JARID2: variants seen among roughly 807,000 people sequenced by gnomAD.
JARID2 encodes jumonji and AT-rich interaction domain containing 2.
Under a neutral mutation model 125.6 loss-of-function variants are expected in JARID2, and 21 were observed. The observed-to-expected ratio is 0.17, with a 90% CI of 0.12 to 0.24. The LOEUF (loss-of-function observed/expected upper bound fraction) is 0.24, where lower values mean the gene tolerates loss of function less well. Ranked by LOEUF, JARID2 falls within the 10% of genes least tolerant of loss-of-function variation. The pLI, the probability that JARID2 is intolerant of heterozygous loss-of-function variation, is 1.00. For synonymous variants in JARID2, 736 were observed against 661.6 expected, an observed-to-expected ratio of 1.11 and a Z score of -1.73; for missense variants, 1,303 against 1,639.6, an observed-to-expected ratio of 0.79 and a Z score of 3.55.
intron 1 of JARID2, among the ~76,000 whole-genome samples, chr6:15,346,599 G>A (rs1329444269): frequency 6.6e-6 from 1 of 152,078 alleles, no homozygotes; most frequent in Non-Finnish European, 1.5e-5. Flanking sequence ...CCACTTCTCT[G>A]GGAGAGGGGA....
At chr6:15,481,800 C>T (rs1487507519) in intron 5 of JARID2, among the ~76,000 whole-genome samples, 1 of 152,058 alleles carries the variant, frequency 6.6e-6, no homozygotes, top group African/African-American at 2.4e-5. Flanking sequence ...TTTTAATTTC[C>T]GTATGTTTGA....
chr6:15,272,450 A>G (rs1177589289), intron 1 of JARID2, among the ~76,000 whole-genome samples: 1 of 152,220 alleles, frequency 6.6e-6, no homozygotes, highest in African/African-American at 2.4e-5. Context: ...TTTAAAAAAG[A>G]GAAGTTGTTA....
At chr6:15,390,856 C>A (rs1379628320) in intron 2 of JARID2, among the ~76,000 whole-genome samples, 1 of 152,142 alleles carries the variant, frequency 6.6e-6, no homozygotes, top group Admixed American at 6.5e-5. Flanking sequence ...TAAGTATGTC[C>A]CAGGGTCCCA....
chr6:15,283,499 G>A (rs988476485), intron 1 of JARID2, among the ~76,000 whole-genome samples: 3 of 137,032 alleles, frequency 2.2e-5, no homozygotes, highest in East Asian at 4.6e-4. Context: ...CACCAGCTAC[G>A]CCCGGCTAAT....
chr6:15,346,653 AT>A (rs1171975316), intron 1 of JARID2, among the ~76,000 whole-genome samples: 1 of 151,346 alleles, frequency 6.6e-6, no homozygotes, highest in Non-Finnish European at 1.5e-5. Flanking sequence ...GCCTTGCTTG[AT>A]TTTGTTTGTT....
Position 15,456,074 on chromosome 6 carries a change from T to C in JARID2, c.493+3899T>C, listed in dbSNP as rs2299044. 2.8e-3 allele frequency among the ~76,000 whole-genome samples: 431 copies of C among 152,328 alleles called. 19 individuals are homozygous for C. In the East Asian group the frequency reaches 0.078, roughly 27 times the overall value. ...GACTGTTGTGTTTAGTTCTCAAAGG[T>C]AGAGAAGGAGAGAAACCCATCAGGG... On this transcript the variant is annotated intron_variant, in intron 4 of 17. Transcript: ENST00000341776.
At chr6:15,365,351 C>T (rs1763937024) in intron 1 of JARID2, among the ~76,000 whole-genome samples, 1 of 152,154 alleles carries the variant, frequency 6.6e-6, no homozygotes, top group African/African-American at 2.4e-5. Context: ...TCCAGCACTG[C>T]AGGAGGTTTT....
intron 1 of JARID2, among the ~76,000 whole-genome samples, chr6:15,332,788 T>C (rs1045044405): frequency 1.3e-5 from 2 of 152,176 alleles, no homozygotes; most frequent in South Asian, 2.1e-4. Context: ...TAATCCAAAA[T>C]AGTTTTCAAT....
chr6:15,503,184 ACT>A (rs1351551367), intron 8 of JARID2, among the ~76,000 whole-genome samples: 1 of 151,868 alleles, frequency 6.6e-6, no homozygotes, highest in Non-Finnish European at 1.5e-5. Context: ...TGAGCACGCA[ACT>A]CTCTGTGGCA....
chr6:15,476,074 G>A lies in JARID2; in HGVS notation c.670+7356G>A, dbSNP rs546515597. ...TTTTGTATGCTCGAGCTGTTGAGGC[G>A]TGTCAGGAAATCTAGCAACATCTGT... is the stretch of plus-strand genomic sequence containing the variant. On this transcript the variant is annotated intron_variant, in intron 5 of 17. Transcript: ENST00000341776. Among the ~76,000 whole-genome samples the A allele has an allele frequency of 1.3e-4, 20 of 152,256 alleles. No homozygotes were observed. In the South Asian group the frequency reaches 2.7e-3, roughly 20 times the overall value.
chr6:15,413,773 T>A (rs2127574387), intron 3 of JARID2, among the ~76,000 whole-genome samples: 1 of 152,250 alleles, frequency 6.6e-6, no homozygotes, highest in South Asian at 2.1e-4. Flanking sequence ...TCCACGCCTG[T>A]CTAAGCTTGC....
At chr6:15,365,010 A>G (rs919876966) in intron 1 of JARID2, among the ~76,000 whole-genome samples, 1 of 152,230 alleles carries the variant, frequency 6.6e-6, no homozygotes, top group African/African-American at 2.4e-5. Flanking sequence ...GTATATCATA[A>G]TGAACATAAA....
At chr6:15,408,270 T>C (rs1206551585) in intron 2 of JARID2, among the ~76,000 whole-genome samples, 1 of 152,138 alleles carries the variant, frequency 6.6e-6, no homozygotes, top group African/African-American at 2.4e-5. Context: ...AAAGAAAAAT[T>C]TGAACTCCAC....
chr6:15,514,970 C>T (rs1027205443), intron 16 of JARID2, among the ~76,000 whole-genome samples: 13 of 152,106 alleles, frequency 8.5e-5, no homozygotes, highest in Non-Finnish European at 1.8e-4. Flanking sequence ...TGATGATAAG[C>T]ATTTTCCCAG....
chr6:15,391,581 A>G (rs1319891975), intron 2 of JARID2, among the ~76,000 whole-genome samples: 2 of 152,260 alleles, frequency 1.3e-5, no homozygotes, highest in East Asian at 3.8e-4. Flanking sequence ...TAGAAATGAT[A>G]AAGGCTGTGT....
chr6:15,444,808 G>A (rs545340587), intron 3 of JARID2, among the ~76,000 whole-genome samples: 14 of 113,922 alleles, frequency 1.2e-4, no homozygotes, highest in African/African-American at 4.7e-4. Flanking sequence ...GTTTAGAATT[G>A]GGATGTAATC....
intron 2 of JARID2, among the ~76,000 whole-genome samples, chr6:15,404,315 G>A (rs1248125377): frequency 6.6e-6 from 1 of 152,164 alleles, no homozygotes; most frequent in East Asian, 1.9e-4. Context: ...TGCCAAGCAG[G>A]CCCAAAGCCA....
In JARID2 at chr6:15,437,729, G is replaced by T. The variant is rs982179957; in HGVS notation, c.324-14277G>T. On this transcript the variant is annotated intron_variant, in intron 3 of 17. Transcript: ENST00000341776. ...TACCATCCTAGAATCGCTTGAACCC[G>T]GGAGGCGGAGGTTGCAGTGAGCTGA... Among the ~76,000 whole-genome samples, 5 of 152,076 alleles carry T rather than the reference G, an allele frequency of 3.3e-5. No individual in the cohort carries two copies. The East Asian group carries it at 9.7e-4, about 29-fold the overall frequency.
intron 1 of JARID2, among the ~76,000 whole-genome samples, chr6:15,341,287 C>CT (rs1438406037): frequency 6.6e-6 from 1 of 152,118 alleles, no homozygotes; most frequent in Non-Finnish European, 1.5e-5. Context: ...CCCATATGTT[C>CT]TTTTTTACTC....
Sources: allele counts gnomAD v4.1 joint callset (sites outside exome capture counted in the v4.1 genomes callset), GRCh38; gene constraint gnomAD v4.1.1; transcripts MANE v1.5; gene names NCBI Gene and HGNC (gene_info 2026-07-23, HGNC 2026-07-21).